HPSE2: variants seen among roughly 807,000 people sequenced by gnomAD.
The protein encoded by HPSE2 is inactive heparanase-2.
A neutral mutation model predicts 60.5 loss-of-function variants in HPSE2; 38 were observed. The ratio of observed to expected loss-of-function variants is 0.63; its 90% CI spans 0.48 to 0.82. The LOEUF (loss-of-function observed/expected upper bound fraction) is 0.82. HPSE2 is among the 40% of genes least tolerant of loss of function. HPSE2 has a pLI of 0.00. For synonymous variants in HPSE2, 295 were observed against 293.2 expected (o/e 1.01, Z -0.06); for missense variants, 713 against 740.4 (o/e 0.96, Z 0.43).
chr10:98,801,356 T>G (rs994003626), intron 3 of HPSE2, among the ~76,000 whole-genome samples: 1 of 151,838 alleles, frequency 6.6e-6, no homozygotes, highest in African/African-American at 2.4e-5. Flanking sequence ...AAGTCCTAGC[T>G]AGAGAAATCA....
chr10:99,162,525 C>A (rs1345977551), intron 2 of HPSE2, among the ~76,000 whole-genome samples: 1 of 152,162 alleles, frequency 6.6e-6, no homozygotes, highest in Non-Finnish European at 1.5e-5. Flanking sequence ...AATGCAGCCA[C>A]TACAACAGCA....
chr10:98,489,625 C>G (rs1941568052), intron 10 of HPSE2, among the ~76,000 whole-genome samples: 1 of 152,214 alleles, frequency 6.6e-6, no homozygotes, highest in Non-Finnish European at 1.5e-5. Context: ...GCATATCTCT[C>G]CAGCATGCAT....
intron 3 of HPSE2, among the ~76,000 whole-genome samples, chr10:98,806,542 G>A (rs1267628401): frequency 1.3e-5 from 2 of 152,144 alleles, no homozygotes; most frequent in Admixed American, 1.3e-4. Flanking sequence ...TCTGAAAAAT[G>A]GGAATGCTTA....
intron 3 of HPSE2, among the ~76,000 whole-genome samples, chr10:98,874,392 C>G (rs1199119205): frequency 6.6e-6 from 1 of 151,762 alleles, no homozygotes; most frequent in East Asian, 1.9e-4. Flanking sequence ...AATGGGAGTT[C>G]ATTCATGATT....
intron 9 of HPSE2, among the ~76,000 whole-genome samples, chr10:98,574,378 A>G (rs919098852): frequency 3.3e-5 from 5 of 152,234 alleles, no homozygotes; most frequent in Admixed American, 2.6e-4. Flanking sequence ...GAATAAGACT[A>G]GGAATAGAAT....
At position 98,857,689 on chromosome 10, in the gene HPSE2, A is replaced by T. The variant is rs1020884427; in HGVS notation, c.611-113633T>A. 2.0e-5 allele frequency among the ~76,000 whole-genome samples: 3 copies of T among 152,144 alleles called. No homozygotes were observed. In the East Asian group the frequency reaches 5.8e-4, roughly 29 times the overall value. On this transcript the variant is annotated intron_variant, in intron 3 of 11. Coordinates refer to ENST00000370552, the MANE Select transcript of HPSE2 (RefSeq NM_021828.5). ...ATACTAATAATTAGAAGCAAAGATGAGAATTAAATGTATGTGACTTTTAAT... is the reference window on the plus strand; with the variant it reads ...ATACTAATAATTAGAAGCAAAGATGTGAATTAAATGTATGTGACTTTTAAT...
chr10:99,309,581 A>T, the HPSE2 span, among the ~76,000 whole-genome samples: 2 of 152,210 alleles, frequency 1.3e-5, no homozygotes, highest in Non-Finnish European at 2.9e-5. Context: ...TGCACCACCT[A>T]CTTTTCTAAA....
At chr10:99,094,998 G>C (rs937759637) in intron 3 of HPSE2, among the ~76,000 whole-genome samples, 1 of 151,950 alleles carries the variant, frequency 6.6e-6, no homozygotes, top group Non-Finnish European at 1.5e-5. Flanking sequence ...AACCAGCCTG[G>C]GCAACAAAGT....
At chr10:99,218,634 A>G (rs10786524) in intron 2 of HPSE2, among the ~76,000 whole-genome samples, 82,864 of 152,036 alleles carry the variant, frequency 0.55, 24,410 homozygotes, top group East Asian at 0.66. Context: ...AAAACCCCAA[A>G]TGAAGACATT....
chr10:99,137,633 A>G (rs910517643), intron 3 of HPSE2, among the ~76,000 whole-genome samples: 3 of 152,226 alleles, frequency 2.0e-5, no homozygotes, highest in Non-Finnish European at 4.4e-5. Flanking sequence ...GACACAAACA[A>G]GCAATGGGGA....
At chr10:98,769,357 A>G (rs192364853) in intron 3 of HPSE2, among the ~76,000 whole-genome samples, 267 of 152,236 alleles carry the variant, frequency 1.8e-3, no homozygotes, top group African/African-American at 6.1e-3. Flanking sequence ...TTGGGGGATG[A>G]TATTTTGTGT....
At chr10:98,482,855 A>C in intron 10 of HPSE2, 73 bp from the exon 11 acceptor site, 1 of 1,515,582 alleles carries the variant, frequency 6.6e-7, no homozygotes, top group South Asian at 1.1e-5. Context: ...AATAATTTAT[A>C]GACTGTACAA....
intron 9 of HPSE2, among the ~76,000 whole-genome samples, chr10:98,544,707 C>T (rs1370340516): frequency 1.6e-4 from 11 of 68,212 alleles, no homozygotes; most frequent in Admixed American, 2.7e-4. Context: ...AGCGAGACTC[C>T]GTCTCAAAAA....
At chr10:99,046,801 C>T (rs1252183121) in intron 3 of HPSE2, among the ~76,000 whole-genome samples, 1 of 151,920 alleles carries the variant, frequency 6.6e-6, no homozygotes, top group African/African-American at 2.4e-5. Context: ...AGGATAACTA[C>T]AAAACACTGC....
At chr10:99,011,254 T>G (rs975738216) in intron 3 of HPSE2, among the ~76,000 whole-genome samples, 1 of 152,166 alleles carries the variant, frequency 6.6e-6, no homozygotes, top group South Asian at 2.1e-4. Context: ...CATCCAATGT[T>G]AAATACTGAT....
chr10:98,988,092 G>A (rs1212190695), intron 3 of HPSE2, among the ~76,000 whole-genome samples: 5 of 152,220 alleles, frequency 3.3e-5, no homozygotes, highest in African/African-American at 1.2e-4. Flanking sequence ...TAGATTCAAT[G>A]CCATCCCCAT....
chr10:99,307,174 T>C, the HPSE2 span, among the ~76,000 whole-genome samples: 1 of 152,218 alleles, frequency 6.6e-6, no homozygotes, highest in East Asian at 1.9e-4. Context: ...CTGACTCCTG[T>C]TTGAAATTTA....
chr10:98,742,088 C>T (rs1236609418), intron 4 of HPSE2, among the ~76,000 whole-genome samples: 2 of 152,290 alleles, frequency 1.3e-5, no homozygotes, highest in Admixed American at 1.3e-4. Context: ...ATCATTCCTG[C>T]TTTTGTTGTC....
intron 9 of HPSE2, among the ~76,000 whole-genome samples, chr10:98,536,830 A>C (rs1344351461): frequency 1.3e-5 from 2 of 152,100 alleles, no homozygotes; most frequent in African/African-American, 4.8e-5. Flanking sequence ...AAAACAAATA[A>C]ACCACATTCA....
Sources: allele counts gnomAD v4.1 joint callset (sites outside exome capture counted in the v4.1 genomes callset), GRCh38; gene constraint gnomAD v4.1.1; transcripts MANE v1.5; gene names NCBI Gene and HGNC (gene_info 2026-07-23, HGNC 2026-07-21).